TBC1D23: variants seen among roughly 807,000 people sequenced by gnomAD.
The protein encoded by TBC1D23 is HCV non-structural protein 4A-transactivated protein 1.
TBC1D23 carries 55 observed loss-of-function variants against 91.4 expected under a neutral mutation model. That is an observed-to-expected ratio of 0.60 (90% confidence interval 0.48 to 0.75). TBC1D23 has a LOEUF of 0.75. TBC1D23 is among the 30% of genes least tolerant of loss of function. The probability of loss-of-function intolerance (pLI) is 0.00; values close to 1 mark genes in which losing one functional copy is unlikely to be tolerated. For missense variants in TBC1D23, 725 were observed against 836.1 expected (o/e 0.87, Z 1.64); for synonymous variants, 289 against 281.0 (o/e 1.03, Z -0.28).
At chr3:100,266,824 G>T (rs1417089049) in intron 1 of TBC1D23, among the ~76,000 whole-genome samples, 1 of 152,202 alleles carries the variant, frequency 6.6e-6, no homozygotes, top group East Asian at 1.9e-4. Context: ...CTTCTGGAGA[G>T]AATTGAGAAA....
At chr3:100,269,981 G>A (rs1263555026) in intron 1 of TBC1D23, among the ~76,000 whole-genome samples, 1 of 152,172 alleles carries the variant, frequency 6.6e-6, no homozygotes, top group Admixed American at 6.6e-5. Flanking sequence ...TATGTACATG[G>A]ACAAGCTGGG....
chr3:100,320,038 A>G (rs1460511248), intron 17 of TBC1D23, among the ~76,000 whole-genome samples: 2 of 152,096 alleles, frequency 1.3e-5, no homozygotes, highest in Non-Finnish European at 2.9e-5. Flanking sequence ...TTGGTGATCC[A>G]TGATCCAGTT....
chr3:100,273,789 G>T (rs575370888), intron 1 of TBC1D23, among the ~76,000 whole-genome samples: 170 of 152,234 alleles, frequency 1.1e-3, no homozygotes, highest in African/African-American at 4.0e-3. Context: ...CTAATAAATG[G>T]TGCTGGGATA....
intron 18 of TBC1D23, among the ~76,000 whole-genome samples, chr3:100,322,074 TAATA>T (rs1423976910): frequency 6.6e-6 from 1 of 151,066 alleles, no homozygotes; most frequent in Non-Finnish European, 1.5e-5. Context: ...ACTTACATTT[TAATA>T]AATATAAATT....
At chr3:100,301,355 T>A (rs1477580219) in intron 10 of TBC1D23, among the ~76,000 whole-genome samples, 1 of 152,110 alleles carries the variant, frequency 6.6e-6, no homozygotes, top group East Asian at 1.9e-4. Flanking sequence ...TTGGATATTA[T>A]CAATCTTTTC....
At chr3:100,311,539 T>G (rs1325592728) in intron 14 of TBC1D23, among the ~76,000 whole-genome samples, 2 of 152,338 alleles carry the variant, frequency 1.3e-5, no homozygotes, top group African/African-American at 4.8e-5. Flanking sequence ...TGTTGGTGCT[T>G]CTGAGTTGGA....
intron 1 of TBC1D23, among the ~76,000 whole-genome samples, chr3:100,269,152 AT>A: frequency 6.6e-6 from 1 of 152,308 alleles, no homozygotes; most frequent in South Asian, 2.1e-4. Context: ...CCTTTTGCCT[AT>A]TGCATACAAT....
intron 13 of TBC1D23, among the ~76,000 whole-genome samples, chr3:100,309,410 T>C (rs1388718334): frequency 2.0e-5 from 3 of 152,162 alleles, no homozygotes; most frequent in African/African-American, 4.8e-5. Flanking sequence ...CTATTTCTTA[T>C]TGAATAAATA....
At chr3:100,287,060 C>G (rs985009666) in intron 4 of TBC1D23, among the ~76,000 whole-genome samples, 1 of 152,072 alleles carries the variant, frequency 6.6e-6, no homozygotes, top group Non-Finnish European at 1.5e-5. Context: ...TGATCCGCCC[C>G]CTTCGGCCTC....
At chr3:100,291,345 G>A (rs1443674250) in intron 5 of TBC1D23, among the ~76,000 whole-genome samples, 1 of 152,174 alleles carries the variant, frequency 6.6e-6, no homozygotes, top group Non-Finnish European at 1.5e-5. Context: ...CACTTTGGGA[G>A]GCTAAGGAAG....
chr3:100,319,214 A>C lies in TBC1D23; in HGVS notation c.1823+10A>C. The stretch of plus-strand genomic sequence containing the variant: ...GACACATGTTTCCCAGGTACTTTTA[A>C]AAATGTCTTCATAAGAAGTAAAATT... On this transcript the variant is annotated intron_variant, in intron 17 of 18. Transcript: ENST00000394144. 6.3e-7 allele frequency: 1 copy of C among 1,595,968 alleles called. No individual in the cohort carries two copies. Among genetic ancestry groups the C allele is most frequent in the Non-Finnish European group, 8.5e-7 (1 of 1,173,870 alleles).
At position 100,302,026 on chromosome 3, in the gene TBC1D23, C is replaced by T. The variant is rs763073379; in HGVS notation, c.1093-41C>T. On this transcript the variant is annotated intron_variant, in intron 10 of 18. Transcript: ENST00000394144. ...TTCAAATTTACAAATATATGTGAAA[C>T]ACAGGCTTGTCAAGTTTTTAACTTT... The T allele has an allele frequency of 4.0e-5, 61 of 1,512,282 alleles. No individual in the cohort carries two copies. The South Asian group carries it at 4.1e-4, about 10-fold the overall frequency. 93.7% of individuals were successfully genotyped at this position (1,512,282 alleles called of 1,614,324 possible).
chr3:100,301,919 G>T, intron 10 of TBC1D23, 148 bp from the exon 11 acceptor site: 1 of 589,284 alleles, frequency 1.7e-6, no homozygotes, highest in Non-Finnish European at 3.0e-6. Flanking sequence ...TCTTATCCCA[G>T]GGATTTTATT....
chr3:100,302,081 A>C lies in TBC1D23; in HGVS notation c.1107A>C (p.Pro369=). The C allele has an allele frequency of 6.2e-7, 1 of 1,611,446 alleles. No individual in the cohort carries two copies. The highest frequency in any genetic ancestry group is 8.5e-7 in the Non-Finnish European group (1 of 1,178,916). Residue 369 remains proline (P), a synonymous_variant, in exon 11 of 19, where the codon CCA becomes CCC. Transcript: ENST00000394144. ...HLDSDLMLQN[P]SEFAQSVKSL... Reference sequence around the variant, plus strand: ...AAATTGTCTAGATGCTTCAGAATCCATCTGAGTTTGCACAGTCAGTAAAAT... The same window carrying C: ...AAATTGTCTAGATGCTTCAGAATCCCTCTGAGTTTGCACAGTCAGTAAAAT...
chr3:100,273,375 T>C (rs1027810724), intron 1 of TBC1D23, among the ~76,000 whole-genome samples: 2 of 152,200 alleles, frequency 1.3e-5, no homozygotes, highest in African/African-American at 4.8e-5. Flanking sequence ...CAGAACAAAA[T>C]GGAGTCTCCT....
At chr3:100,262,057 G>T (rs1411785373) in intron 1 of TBC1D23, among the ~76,000 whole-genome samples, 2 of 152,148 alleles carry the variant, frequency 1.3e-5, no homozygotes, top group Non-Finnish European at 2.9e-5. Context: ...TCGTTGAAAG[G>T]GATAGATAAT....
intron 16 of TBC1D23, among the ~76,000 whole-genome samples, chr3:100,317,808 T>C (rs1439536936): frequency 5.9e-5 from 9 of 152,126 alleles, no homozygotes; most frequent in Admixed American, 5.9e-4. Context: ...ATATTTACAA[T>C]ATGGAAAATT....
chr3:100,309,188 A>C (rs929632965), intron 13 of TBC1D23, among the ~76,000 whole-genome samples: 2 of 140,792 alleles, frequency 1.4e-5, no homozygotes, highest in African/African-American at 2.5e-5. Flanking sequence ...CAACAACAAC[A>C]AAAAACACAA....
chr3:100,288,507 C>T lies in TBC1D23; in HGVS notation c.477-2071C>T, dbSNP rs370625387. On this transcript the variant is annotated intron_variant, in intron 4 of 18. Transcript: ENST00000394144. Reference sequence around the variant, plus strand: ...AGTGAGCTACCTGACTTTAGTTGAGCCTCAGTTTTCCCATCTGTAAATTGG... The same window carrying T: ...AGTGAGCTACCTGACTTTAGTTGAGTCTCAGTTTTCCCATCTGTAAATTGG... Among the ~76,000 whole-genome samples, 502 of 152,186 alleles carry T rather than the reference C, an allele frequency of 3.3e-3. 3 individuals are homozygous for T. Among genetic ancestry groups the T allele is most frequent in the African/African-American group, 0.011 (471 of 41,490 alleles).
Sources: gnomAD v4.1 joint callset for allele counts (sites outside exome capture counted in the v4.1 genomes callset) on GRCh38, gnomAD v4.1.1 for gene constraint, MANE v1.5 for transcripts, NCBI Gene and HGNC (gene_info 2026-07-23, HGNC 2026-07-21) for gene names.